The following KDM5C variants were observed in gnomAD, a reference collection of about 807,000 sequenced individuals.
KDM5C encodes lysine-specific demethylase 5C.
A neutral mutation model predicts 110.6 loss-of-function variants in KDM5C; 16 were observed. That is an observed-to-expected ratio of 0.14 (90% CI 0.10 to 0.22). KDM5C has a LOEUF of 0.22. Among genes scored for constraint, KDM5C ranks in the 10% least tolerant of loss-of-function variants. The probability of loss-of-function intolerance (pLI) is 1.00; values close to 1 mark genes in which losing one functional copy is unlikely to be tolerated. For synonymous variants in KDM5C, 511 were observed against 520.4 expected (o/e 0.98, Z 0.24); for missense variants, 681 against 1,300.9 (o/e 0.52, Z 7.33).
At chrX:53,213,858 T>C (rs1489786476) in intron 8 of KDM5C, among the ~76,000 whole-genome samples, 1 of 111,341 alleles carries the variant, frequency 9.0e-6, no homozygotes, top group Non-Finnish European at 1.9e-5. Context: ...TAGTTACATA[T>C]AAGTAACAGC....
intron 4 of KDM5C, among the ~76,000 whole-genome samples, 185 bp from the exon 5 acceptor site, chrX:53,217,462 T>C (rs188290725): frequency 9.0e-6 from 1 of 111,391 alleles, no homozygotes; most frequent in East Asian, 2.8e-4. Context: ...CTCAGTACCT[T>C]TGCTTGTATC....
chrX:53,207,456 C>T (rs1414323717), intron 12 of KDM5C, among the ~76,000 whole-genome samples: 1 of 111,261 alleles, frequency 9.0e-6, no homozygotes, highest in African/African-American at 3.3e-5. Context: ...CTAGTGGCTA[C>T]CAAATTGGAC....
intron 2 of KDM5C, among the ~76,000 whole-genome samples, chrX:53,220,421 A>G (rs1418316157): frequency 1.8e-5 from 2 of 111,995 alleles, no homozygotes; most frequent in African/African-American, 6.5e-5. Flanking sequence ...CCAAGCACCC[A>G]TGGAAGCAAA....
At position 53,225,048 on chromosome X, in the gene KDM5C, G is replaced by C; in HGVS notation, c.-159C>G. On this transcript the variant is annotated 5_prime_UTR_variant, in exon 1 of 26. Coordinates refer to ENST00000375401, the MANE Select transcript of KDM5C (RefSeq NM_004187.5). ...GCCTAAGGGGGCGTGTGGCCGTCGT[G>C]CTCTGAGAGTCTCAGGCTGACTCTA... 1 of 586,887 alleles carries C rather than the reference G, an allele frequency of 1.7e-6. No individual in the cohort carries two copies. Among genetic ancestry groups the C allele is most frequent in the Non-Finnish European group, 2.6e-6 (1 of 388,296 alleles). 48.4% of individuals were successfully genotyped at this position (586,887 alleles called of 1,213,427 possible).
At chrX:53,202,101 G>A in intron 12 of KDM5C, 128 bp from the exon 13 acceptor site, 2 of 813,200 alleles carry the variant, frequency 2.5e-6, no homozygotes, top group Middle Eastern at 8.6e-4. Context: ...CAGAATCCCA[G>A]ACTCTCCAAC....
At chrX:53,219,157 G>T (rs986500354) in intron 2 of KDM5C, among the ~76,000 whole-genome samples, 2 of 112,391 alleles carry the variant, frequency 1.8e-5, no homozygotes, top group African/African-American at 6.5e-5. Context: ...TTCCACTGTG[G>T]ACTCCTTTTT....
intron 25 of KDM5C, among the ~76,000 whole-genome samples, chrX:53,183,632 G>A (rs1286905481): frequency 3.2e-4 from 34 of 105,410 alleles, no homozygotes; most frequent in Non-Finnish European, 5.3e-4. Context: ...GCAGTGGCGC[G>A]ATCTCAGCTC....
At chrX:53,214,956 G>T in intron 7 of KDM5C, 109 bp from the exon 8 acceptor site, 1 of 822,477 alleles carries the variant, frequency 1.2e-6, no homozygotes, top group Non-Finnish European at 1.8e-6. Context: ...GAGCTCAACT[G>T]CACGTATGTA....
At chrX:53,179,321 C>T (rs1258880712) in intron 25 of KDM5C, among the ~76,000 whole-genome samples, 1 of 109,401 alleles carries the variant, frequency 9.1e-6, no homozygotes, top group Non-Finnish European at 1.9e-5. Flanking sequence ...GAGAGACTCC[C>T]TCTCCAAAAA....
At position 53,193,199 on chromosome X, in the gene KDM5C, C is replaced by G. The variant is rs1332387685; in HGVS notation, c.4451G>C (p.Ser1484Thr). Residue 1484 changes from serine (S) to threonine (T), a missense_variant, in exon 26 of 26, where the codon AGC (serine) becomes ACC (threonine). Physicochemically the swap from Ser to Thr is moderately conservative, Grantham distance 58. Coordinates refer to ENST00000375401, the MANE Select transcript of KDM5C (RefSeq NM_004187.5). ...GACCTCCTCAGCCTCTGGCCCTGAGCTCCGTACCCTCTTTGGCTCTAGCTC... is the reference window on the plus strand; with the variant it reads ...GACCTCCTCAGCCTCTGGCCCTGAGGTCCGTACCCTCTTTGGCTCTAGCTC... ...REELEPKRVR[S>T]SGPEAEEVQE... is the part of the protein sequence containing the mutation. 3 of 1,208,051 alleles carry G rather than the reference C, an allele frequency of 2.5e-6. No homozygotes were observed. The African/African-American group carries it at 5.3e-5, about 21-fold the overall frequency.
chrX:53,194,349 C>T lies in KDM5C; in HGVS notation c.3828G>A (p.Glu1276=). The change falls in exon 23 of 26, where the codon GAG becomes GAA. Residue 1276 remains glutamate (E), a synonymous_variant. Transcript: ENST00000375401. The part of the protein sequence containing the change: ...QRLPVRLPEG[E]ALQCLTERAI... ...CCCTCTCTGTGAGGCACTGCAGGGC[C>T]TCGCCCTCGGGCAGCCGCACAGGCA... The T allele has an allele frequency of 3.3e-6, 4 of 1,211,780 alleles. No homozygotes were observed. The highest frequency in any genetic ancestry group is 2.2e-6 in the Non-Finnish European group (2 of 895,347).
rs967652938 is a variant in KDM5C at position 53,195,947 on chromosome X, C to T, written c.3089G>A (p.Arg1030Gln). ...QALKEALAKA[R>Q]AWIADVDEIQ... ...CTCATCAACATCAGCAATCCAGGCC[C>T]GGGCCTTAGCAAGAGCCTCCTTGAG... The change falls in exon 20 of 26, where the codon CGG becomes CAG. Residue 1030 changes from arginine to glutamine, a missense_variant. Around this residue, in one of 14 missense-constraint regions of KDM5C, gnomAD observed 66 missense variants for 162.9 expected, o/e 0.41. Coordinates refer to ENST00000375401, the MANE Select transcript of KDM5C (RefSeq NM_004187.5). The T allele has an allele frequency of 5.0e-6, 6 of 1,207,530 alleles. No individual in the cohort carries two copies. Among genetic ancestry groups the T allele is most frequent in the Admixed American group, 2.2e-5 (1 of 45,574 alleles).
chrX:53,205,201 A>G (rs2073288071), intron 12 of KDM5C, among the ~76,000 whole-genome samples: 1 of 112,104 alleles, frequency 8.9e-6, no homozygotes, highest in Admixed American at 9.4e-5. Context: ...AGTGCCGGTA[A>G]GGGAATAAAT....
chrX:53,199,038 G>A lies in KDM5C; in HGVS notation c.2182C>T (p.Leu728Phe), dbSNP rs1556840175. 8.3e-7 allele frequency: 1 copy of A among 1,212,101 alleles called. No homozygotes were observed. Among genetic ancestry groups the A allele is most frequent in the Non-Finnish European group, 1.1e-6 (1 of 895,573 alleles). The change falls in exon 15 of 26, where the codon CTT (leucine) becomes TTT (phenylalanine). Residue 728 changes from leucine to phenylalanine, a missense_variant. By Grantham distance (22) the Leu-to-Phe change is conservative. Transcript: ENST00000375401. ...ALACYDCPDG[L>F]VCLSHINDLC... Reference sequence around the variant, plus strand: ...TCATTGATGTGGGAAAGGCAGACAAGGCCGTCTGGGCAGTCGTAGCAGGCC... The same window carrying A: ...TCATTGATGTGGGAAAGGCAGACAAAGCCGTCTGGGCAGTCGTAGCAGGCC...
In KDM5C at chrX:53,194,149, T is replaced by A. The variant is rs1169220355; in HGVS notation, c.4028A>T (p.Asp1343Val). 3.3e-6 allele frequency: 4 copies of A among 1,197,815 alleles called. No individual in the cohort carries two copies. The highest frequency in any genetic ancestry group is 4.5e-6 in the Non-Finnish European group (4 of 888,534). ...GGCTGAGTAGCTCACCTTAGGCATA[T>A]CCTTGCCACTGCCCTCTCTGAGGGG... ...SDPLREGSGKDMPKVQGLLEN... is the reference protein window; with the variant it reads ...SDPLREGSGKVMPKVQGLLEN... The change falls in exon 23 of 26, where the codon GAT becomes GTT. Residue 1343 changes from aspartate to valine, a missense_variant. By Grantham distance (152) the Asp-to-Val change is radical. Coordinates refer to ENST00000375401, the MANE Select transcript of KDM5C (RefSeq NM_004187.5).
intron 8 of KDM5C, 39 bp downstream of exon 8, chrX:53,214,650 G>A: frequency 8.4e-7 from 1 of 1,183,911 alleles, no homozygotes; most frequent in Non-Finnish European, 1.1e-6. Context: ...GGAAGGCAAG[G>A]AAGCCCTATG....
intron 14 of KDM5C, among the ~76,000 whole-genome samples, chrX:53,199,483 G>A (rs1351233591): frequency 6.3e-5 from 7 of 111,743 alleles, no homozygotes; most frequent in Non-Finnish European, 1.3e-4. Context: ...CAGAGAGGTG[G>A]CAATGAGTGC....
In KDM5C at chrX:53,211,791, A is replaced by C. The variant is rs1556849076; in HGVS notation, c.1238T>G (p.Val413Gly). The C allele has an allele frequency of 8.3e-7, 1 of 1,209,005 alleles. No individual in the cohort carries two copies. The highest frequency in any genetic ancestry group is 1.7e-5 in the African/African-American group (1 of 57,216). The change falls in exon 9 of 26, where the codon GTG becomes GGG. Residue 413 changes from valine (V) to glycine (G), a missense_variant. Physicochemically the swap from Val to Gly is moderately radical, Grantham distance 109 (BLOSUM62 -3). Around this residue, in one of 14 missense-constraint regions of KDM5C, gnomAD observed 41 missense variants for 205.9 expected, o/e 0.20. Transcript: ENST00000375401. ...CCTCAGCCCTCCATCACCTACATGC[A>C]CGGGCATGTTGAAGTAGTCAGCTTT... is the stretch of plus-strand genomic sequence containing the variant. ...SFKADYFNMPVHMVPTELVEK... is the reference protein window; with the variant it reads ...SFKADYFNMPGHMVPTELVEK...
chrX:53,218,543 C>A, intron 2 of KDM5C, 145 bp from the exon 3 acceptor site: 1 of 677,380 alleles, frequency 1.5e-6, no homozygotes, highest in East Asian at 3.4e-5. Flanking sequence ...ATCCCAGACT[C>A]TAGGCAGTGC....
Sources: gnomAD v4.1 joint callset for allele counts (sites outside exome capture counted in the v4.1 genomes callset) on GRCh38, gnomAD v4.1.1 for gene constraint, gnomAD v4.1.1 regional missense constraint, MANE v1.5 for transcripts, NCBI Gene and HGNC (gene_info 2026-07-23, HGNC 2026-07-21) for gene names.